Variants in HIRA observed in about 807,000 individuals in gnomAD.
The protein encoded by HIRA is protein HIRA.
In HIRA, 13 loss-of-function variants were observed where a neutral mutation model predicts 126.6. That is an observed-to-expected ratio of 0.10 (90% CI 0.07 to 0.16). The LOEUF (loss-of-function observed/expected upper bound fraction) is 0.16. Ranked by LOEUF, HIRA falls within the 10% of genes least tolerant of loss-of-function variation. The pLI is 1.00. For synonymous variants in HIRA, 511 were observed against 520.0 expected, an observed-to-expected ratio of 0.98 and a Z score of 0.24; for missense variants, 834 against 1,314.4, an observed-to-expected ratio of 0.63 and a Z score of 5.65.
rs9605996 is a variant in HIRA at position 19,359,312 on chromosome 22, G to A, written c.2234+24C>T. The A allele has an allele frequency of 0.065, 99,484 of 1,525,904 alleles. 7,509 individuals are homozygous for A. The highest frequency in any genetic ancestry group is 0.35 in the African/African-American group (24,767 of 71,488). The allele number at this position is 1,525,904 out of a possible 1,614,324, so 94.5% of individuals were successfully genotyped here. A position where few individuals can be genotyped will look rare whatever the true frequency, so the allele number is the denominator to read the frequency against. On this transcript the variant is annotated intron_variant, in intron 18 of 24. Transcript: ENST00000263208. The stretch of plus-strand genomic sequence containing the variant: ...CATGTGTGCCTGTGTCACCTGGGCC[G>A]GCTAAGGACCTGCCCACCCTTACCA...
At chr22:19,402,736 A>C (rs2089279133) in intron 5 of HIRA, among the ~76,000 whole-genome samples, 1 of 152,224 alleles carries the variant, frequency 6.6e-6, no homozygotes, top group South Asian at 2.1e-4. Flanking sequence ...CTTGATATAA[A>C]CCGCAACCAG....
At position 19,368,901 on chromosome 22, in the gene HIRA, G is replaced by A. The variant is rs1011351150; in HGVS notation, c.1775+6730C>T. On this transcript the variant is annotated intron_variant, in intron 15 of 24. Coordinates refer to ENST00000263208, the MANE Select transcript of HIRA (RefSeq NM_003325.4). ...TTGGGACCCCTGAGAGCCCTTAGGA[G>A]TCTCCCCACCTCCTGCCTCTGCCAG... Among the ~76,000 whole-genome samples, 10 of 152,266 alleles carry A rather than the reference G, an allele frequency of 6.6e-5. No individual in the cohort carries two copies. The South Asian group carries it at 2.1e-3, about 32-fold the overall frequency.
chr22:19,363,526 A>T (rs115481380), intron 15 of HIRA, among the ~76,000 whole-genome samples: 1 of 152,218 alleles, frequency 6.6e-6, no homozygotes, highest in Admixed American at 6.5e-5. Flanking sequence ...AAAACCATGG[A>T]GACAATAAAA....
At chr22:19,430,488 G>C (rs2089524074) in intron 1 of HIRA, among the ~76,000 whole-genome samples, 2 of 152,194 alleles carry the variant, frequency 1.3e-5, no homozygotes, top group Admixed American at 6.5e-5. Flanking sequence ...GTAGCACCCT[G>C]TAGTCGCACT....
intron 1 of HIRA, among the ~76,000 whole-genome samples, chr22:19,417,787 T>C (rs1429319666): frequency 1.3e-4 from 20 of 152,226 alleles, no homozygotes; most frequent in Admixed American, 6.5e-5. Context: ...TGAAGAGCTA[T>C]TTGTACACCC....
chr22:19,386,391 A>G (rs2239392), intron 11 of HIRA, among the ~76,000 whole-genome samples: 102,834 of 152,198 alleles, frequency 0.68, 35,037 homozygotes, highest in South Asian at 0.77. Context: ...ACTGCTGTAC[A>G]TGAAAGTGCA....
chr22:19,385,252 A>C (rs2089115922), intron 12 of HIRA, among the ~76,000 whole-genome samples: 1 of 152,184 alleles, frequency 6.6e-6, no homozygotes, highest in African/African-American at 2.4e-5. Context: ...GGATTTTTAG[A>C]AAGACCAGAA....
At chr22:19,388,047 T>C (rs113639920) in intron 10 of HIRA, among the ~76,000 whole-genome samples, 2 of 152,058 alleles carry the variant, frequency 1.3e-5, no homozygotes. Flanking sequence ...GTACAAAATA[T>C]CTCCTTTACC....
At chr22:19,360,610 G>A (rs1170481804) in intron 17 of HIRA, among the ~76,000 whole-genome samples, 2 of 152,184 alleles carry the variant, frequency 1.3e-5, no homozygotes, top group Non-Finnish European at 2.9e-5. Context: ...TCGAGGACAC[G>A]CACCTGAGCT....
chr22:19,373,059 T>C (rs2088982169), intron 15 of HIRA, among the ~76,000 whole-genome samples: 1 of 152,230 alleles, frequency 6.6e-6, no homozygotes, highest in African/African-American at 2.4e-5. Context: ...CTTTAGTTGT[T>C]TGTGCATTAG....
chr22:19,408,449 C>T (rs2089324614), intron 3 of HIRA, 34 bp downstream of exon 3: 1 of 1,379,916 alleles, frequency 7.2e-7, no homozygotes, highest in Non-Finnish European at 1.0e-6. Flanking sequence ...ACTCTGCCAA[C>T]ACGCAAAGCC....
chr22:19,355,745 G>A lies in HIRA; in HGVS notation c.2561+15C>T. ...CACTCTTCCAGGGAATAGGACTGGG[G>A]GTCAGCTTGCTTACCATGTGGAAAG... On this transcript the variant is annotated intron_variant, in intron 21 of 24. Coordinates refer to ENST00000263208, the MANE Select transcript of HIRA (RefSeq NM_003325.4). The A allele has an allele frequency of 6.4e-7, 1 of 1,573,134 alleles. No individual in the cohort carries two copies. The highest frequency in any genetic ancestry group is 8.7e-7 in the Non-Finnish European group (1 of 1,143,116).
intron 1 of HIRA, among the ~76,000 whole-genome samples, chr22:19,415,671 C>T (rs1047454002): frequency 1.3e-5 from 2 of 152,122 alleles, no homozygotes; most frequent in African/African-American, 4.8e-5. Context: ...TGCCTATAAT[C>T]CCAGCTACTT....
intron 15 of HIRA, among the ~76,000 whole-genome samples, chr22:19,371,098 T>C (rs2088960695): frequency 6.6e-6 from 1 of 152,246 alleles, no homozygotes; most frequent in South Asian, 2.1e-4. Context: ...CAGGACTGTC[T>C]GTGGCACACT....
chr22:19,392,732 CTCAG>C (rs1459719832), intron 8 of HIRA, among the ~76,000 whole-genome samples: 6 of 152,212 alleles, frequency 3.9e-5, no homozygotes, highest in African/African-American at 9.6e-5. Flanking sequence ...CAGAGATCTG[CTCAG>C]TCAGAGAGTC....
At chr22:19,355,099 C>A (rs1472022129) in intron 21 of HIRA, among the ~76,000 whole-genome samples, 2 of 151,868 alleles carry the variant, frequency 1.3e-5, no homozygotes, top group Non-Finnish European at 1.5e-5. Flanking sequence ...AGAAAGAAGT[C>A]TCAGTGTGAA....
At position 19,382,968 on chromosome 22, in the gene HIRA, G is replaced by C. The variant is rs564949295; in HGVS notation, c.1415+652C>G. On this transcript the variant is annotated intron_variant, in intron 13 of 24. Coordinates refer to ENST00000263208, the MANE Select transcript of HIRA (RefSeq NM_003325.4). ...TCCACTTCTAGAAGTTATCCTGAGA[G>C]AACAACCACAGGTGAGCTCAAAGAC... Among the ~76,000 whole-genome samples the C allele has an allele frequency of 4.6e-5, 7 of 152,178 alleles. No homozygotes were observed. The South Asian group carries it at 1.4e-3, about 32-fold the overall frequency.
rs1480691782 is a variant in HIRA, at chr22:19,409,353, G to A, written c.101-760C>T. On this transcript the variant is annotated intron_variant, in intron 2 of 24. Coordinates refer to ENST00000263208, the MANE Select transcript of HIRA (RefSeq NM_003325.4). ...GGCTGGAGTGCAGTGGCACGATCTC[G>A]GCTCACTGCAACCTCCGCCTCGCAG... Among the ~76,000 whole-genome samples, 5 of 150,786 alleles carry A rather than the reference G, an allele frequency of 3.3e-5. No individual in the cohort carries two copies. In the East Asian group the frequency reaches 7.8e-4, roughly 24 times the overall value.
In HIRA at chr22:19,387,696, G is replaced by A. The variant is rs765550686; in HGVS notation, c.1113+15C>T. The A allele has an allele frequency of 1.2e-6, 2 of 1,606,668 alleles. No homozygotes were observed. The highest frequency in any genetic ancestry group is 1.1e-5 in the South Asian group (1 of 90,502). On this transcript the variant is annotated intron_variant, in intron 11 of 24. Coordinates refer to ENST00000263208, the MANE Select transcript of HIRA (RefSeq NM_003325.4). ...GGCCACAGAGCACCCAGCAGCACAA[G>A]AGCCGTCAGCCTACCTTCTCCTCCT...
Sources: allele counts gnomAD v4.1 joint callset (sites outside exome capture counted in the v4.1 genomes callset), GRCh38; gene constraint gnomAD v4.1.1; transcripts MANE v1.5; gene names NCBI Gene and HGNC (gene_info 2026-07-23, HGNC 2026-07-21).